The following SEPTIN2 variants were observed in gnomAD, a reference collection of about 807,000 sequenced individuals.
The protein encoded by SEPTIN2 is septin 2.
A neutral mutation model predicts 46.5 loss-of-function variants in SEPTIN2; 34 were observed. That is an observed-to-expected ratio of 0.73 (90% CI 0.56 to 0.97). The LOEUF is 0.97. Ranked by LOEUF, SEPTIN2 falls within the 50% of genes least tolerant of loss-of-function variation. SEPTIN2 has a pLI of 0.00. For missense variants in SEPTIN2, 347 were observed against 448.4 expected (o/e 0.77, Z 2.04); for synonymous variants, 175 against 153.4 (o/e 1.14, Z -1.04).
chr2:241,337,580 G>A (rs946543345), intron 6 of SEPTIN2, 64 bp downstream of exon 6: 4 of 1,586,602 alleles, frequency 2.5e-6, no homozygotes, highest in Non-Finnish European at 3.4e-6. Context: ...TACCCAAACT[G>A]TGTATTTTAA....
At chr2:241,326,370 T>C (rs1388505671) in intron 3 of SEPTIN2, among the ~76,000 whole-genome samples, 1 of 152,264 alleles carries the variant, frequency 6.6e-6, no homozygotes, top group Non-Finnish European at 1.5e-5. Context: ...CCCCAGTGAT[T>C]CTTATCTCCT....
intron 7 of SEPTIN2, among the ~76,000 whole-genome samples, chr2:241,340,980 A>G (rs2150122893): frequency 6.6e-6 from 1 of 152,082 alleles, no homozygotes; most frequent in South Asian, 2.1e-4. Context: ...TTGCTCTCTC[A>G]TGGGCTTGGC....
In SEPTIN2 at chr2:241,325,974, G is replaced by GT. The variant is rs1334104005; in HGVS notation, c.10-13dup. 1.2e-6 allele frequency: 2 copies of GT among 1,606,100 alleles called. No homozygotes were observed. The highest frequency in any genetic ancestry group is 1.7e-4 in the Middle Eastern group (1 of 6,046). On this transcript the variant is annotated intron_variant, in intron 2 of 12. Coordinates refer to ENST00000391971, the MANE Select transcript of SEPTIN2 (RefSeq NM_004404.5). Reference sequence around the variant, plus strand: ...TACTAAGGTGTTTATTAGTTTGTTTGTTTTTTAATCTTATTTAGCAACAGC... The same window carrying GT: ...TACTAAGGTGTTTATTAGTTTGTTTGTTTTTTTAATCTTATTTAGCAACAGC...
At chr2:241,321,051 A>G (rs2077040731) in intron 1 of SEPTIN2, among the ~76,000 whole-genome samples, 1 of 152,178 alleles carries the variant, frequency 6.6e-6, no homozygotes, top group Non-Finnish European at 1.5e-5. Context: ...ATTTGAGAAC[A>G]TTGACTGTAA....
chr2:241,323,720 A>G (rs949326503), intron 1 of SEPTIN2, among the ~76,000 whole-genome samples: 3 of 152,230 alleles, frequency 2.0e-5, no homozygotes, highest in Admixed American at 6.5e-5. Flanking sequence ...TACACCAAAG[A>G]ATGGTGATTA....
chr2:241,316,850 C>G, intron 1 of SEPTIN2: 1 of 269,704 alleles, frequency 3.7e-6, no homozygotes, highest in Non-Finnish European at 7.0e-6. Flanking sequence ...CTACTTCCCA[C>G]CTTAACTGCC....
At chr2:241,316,507 C>T in intron 1 of SEPTIN2, 2 of 1,514,058 alleles carry the variant, frequency 1.3e-6, no homozygotes, top group Non-Finnish European at 1.8e-6. Context: ...TAGGCCCTGT[C>T]TGCGGGTACC....
chr2:241,349,692 GT>G (rs1158457115), intron 11 of SEPTIN2, among the ~76,000 whole-genome samples: 1 of 152,070 alleles, frequency 6.6e-6, no homozygotes, highest in Non-Finnish European at 1.5e-5. Flanking sequence ...GTGGTGGTGT[GT>G]GCCTGTAATC....
intron 11 of SEPTIN2, among the ~76,000 whole-genome samples, chr2:241,349,507 T>A (rs2060589899): frequency 6.6e-6 from 1 of 152,142 alleles, no homozygotes; most frequent in South Asian, 2.1e-4. Context: ...ATCAGTCTCT[T>A]TCCCTCCTTT....
intron 1 of SEPTIN2, among the ~76,000 whole-genome samples, chr2:241,322,098 T>G (rs549971304): frequency 6.6e-6 from 1 of 152,044 alleles, no homozygotes; most frequent in Non-Finnish European, 1.5e-5. Context: ...ACATTTCCAG[T>G]CAAAAGGGAA....
At chr2:241,338,631 AATAT>A (rs995971947) in intron 7 of SEPTIN2, among the ~76,000 whole-genome samples, 5 of 129,704 alleles carry the variant, frequency 3.9e-5, no homozygotes, top group South Asian at 4.4e-4. Flanking sequence ...ATAATTAATA[AATAT>A]ATATAATATA....
At chr2:241,342,070 A>G (rs1214455299) in intron 7 of SEPTIN2, among the ~76,000 whole-genome samples, 1 of 152,146 alleles carries the variant, frequency 6.6e-6, no homozygotes, top group African/African-American at 2.4e-5. Flanking sequence ...TGTTGAATGA[A>G]ATACAGATCC....
chr2:241,322,192 T>TA (rs1180483451), intron 1 of SEPTIN2, among the ~76,000 whole-genome samples: 1 of 152,180 alleles, frequency 6.6e-6, no homozygotes, highest in African/African-American at 2.4e-5. Flanking sequence ...AATAAGTTTC[T>TA]AAGCTCCAGA....
chr2:241,340,748 C>T (rs577950353), intron 7 of SEPTIN2, among the ~76,000 whole-genome samples: 12 of 152,112 alleles, frequency 7.9e-5, no homozygotes, highest in Non-Finnish European at 1.5e-4. Context: ...GCTTTTATCC[C>T]TTCCTTCTTG....
At position 241,333,129 on chromosome 2, in the gene SEPTIN2, TAAAA is replaced by T. The variant is rs1163096988; in HGVS notation, c.131-1996_131-1993del. 3.9e-5 allele frequency among the ~76,000 whole-genome samples: 6 copies of T among 152,254 alleles called. No homozygotes were observed. In the East Asian group the frequency reaches 1.2e-3, roughly 29 times the overall value. ...ATCGTGCCTCAAAGTGGCTTTAAAA[TAAAA>T]CAGGTAGGGGGTTGAGGGTGAGTAG... is the stretch of plus-strand genomic sequence containing the variant. On this transcript the variant is annotated intron_variant, in intron 3 of 12. Transcript: ENST00000391971.
rs776777199 is a variant in SEPTIN2, at chr2:241,325,988, T to C, written c.10-5T>C. On this transcript the variant is annotated splice_polypyrimidine_tract_variant and splice_region_variant and intron_variant, in intron 2 of 12. Coordinates refer to ENST00000391971, the MANE Select transcript of SEPTIN2 (RefSeq NM_004404.5). ...TTAGTTTGTTTGTTTTTTAATCTTA[T>C]TTAGCAACAGCCAACTCAGTTTATA... 6 of 1,610,750 alleles carry C rather than the reference T, an allele frequency of 3.7e-6. No individual in the cohort carries two copies. Among genetic ancestry groups the C allele is most frequent in the Admixed American group, 1.7e-5 (1 of 59,386 alleles).
At chr2:241,342,017 G>C (rs2081314847) in intron 7 of SEPTIN2, among the ~76,000 whole-genome samples, 1 of 152,162 alleles carries the variant, frequency 6.6e-6, no homozygotes, top group Admixed American at 6.5e-5. Context: ...CTGCCTGCTT[G>C]ATAGGTCCGA....
intron 1 of SEPTIN2, chr2:241,316,551 G>C (rs1175879929): frequency 1.3e-6 from 2 of 1,518,028 alleles, no homozygotes; most frequent in South Asian, 1.2e-5. Context: ...GTCTGCACCA[G>C]CGAGGCACGG....
chr2:241,322,642 A>G (rs192144242), intron 1 of SEPTIN2, among the ~76,000 whole-genome samples: 4 of 152,090 alleles, frequency 2.6e-5, no homozygotes, highest in Admixed American at 2.0e-4. Flanking sequence ...AAAATTCCAC[A>G]TATCTTTAAA....
Sources: allele counts gnomAD v4.1 joint callset (sites outside exome capture counted in the v4.1 genomes callset), GRCh38; gene constraint gnomAD v4.1.1; transcripts MANE v1.5; gene names NCBI Gene and HGNC (gene_info 2026-07-23, HGNC 2026-07-21).